The following PDIA6 variants were observed in gnomAD, a reference collection of about 807,000 sequenced individuals.
PDIA6 encodes protein disulfide isomerase family A member 6.
Under a neutral mutation model 58.4 loss-of-function variants are expected in PDIA6, and 29 were observed. The observed-to-expected ratio is 0.50, with a 90% confidence interval of 0.37 to 0.68. The LOEUF is 0.68. Ranked by LOEUF, PDIA6 falls within the 30% of genes least tolerant of loss-of-function variation. PDIA6 has a pLI of 0.00. For synonymous variants in PDIA6, 192 were observed against 202.6 expected (o/e 0.95, Z 0.44); for missense variants, 480 against 551.0 (o/e 0.87, Z 1.29).
intron 4 of PDIA6, 100 bp from the exon 5 acceptor site, chr2:10,793,302 C>T: frequency 1.4e-6 from 1 of 727,834 alleles, no homozygotes; most frequent in South Asian, 1.5e-5. Flanking sequence ...GTCGGCTTCA[C>T]CAGGTGTGAC....
chr2:10,788,678 A>G lies in PDIA6; in HGVS notation c.998+19T>C, dbSNP rs1281894439. ...TCAGCTGTTCAGATGACACTCAGAC[A>G]GTAAGCTCAGTAACTTACCCCCACA... On this transcript the variant is annotated intron_variant, in intron 10 of 12. Transcript: ENST00000272227. 2 of 1,540,370 alleles carry G rather than the reference A, an allele frequency of 1.3e-6. No individual in the cohort carries two copies. Among genetic ancestry groups the G allele is most frequent in the African/African-American group, 1.4e-5 (1 of 73,532 alleles).
upstream of PDIA6, among the ~76,000 whole-genome samples, chr2:10,813,442 G>A (rs1667095173): frequency 6.6e-6 from 1 of 152,184 alleles, no homozygotes; most frequent in South Asian, 2.1e-4. Flanking sequence ...GGCTGGCAAT[G>A]CGCTCACGTG....
chr2:10,785,435 C>G (rs6756672), intron 11 of PDIA6, among the ~76,000 whole-genome samples: 26,130 of 152,124 alleles, frequency 0.17, 2,873 homozygotes, highest in African/African-American at 0.3. Context: ...GGTTCCAGTG[C>G]GCTGGCAGAG....
Position 10,821,078 on chromosome 2 carries a change from C to T in PDIA6, c.-47-1724G>A, listed in dbSNP as rs1667375349. On this transcript the variant is annotated intron_variant, in intron 1 of 13. Transcript: ENST00000381611. The stretch of plus-strand genomic sequence containing the variant: ...TTTTCAGGTCGTGTTTTAAAACAGC[C>T]TTCGGAGATTTGGAATGCCCTCTTC... The T allele has an allele frequency of 2.6e-5, 13 of 507,908 alleles. No individual in the cohort carries two copies. In the South Asian group the frequency reaches 3.0e-4, roughly 12 times the overall value. The allele number at this position is 507,908 out of a possible 1,614,324, so 31.5% of individuals were successfully genotyped here.
chr2:10,826,354 C>A (rs1449195329), intron 1 of PDIA6, among the ~76,000 whole-genome samples: 1 of 136,768 alleles, frequency 7.3e-6, no homozygotes, highest in Non-Finnish European at 1.6e-5. Flanking sequence ...TTACTAAAAA[C>A]CATTGAATAA....
intron 1 of PDIA6, among the ~76,000 whole-genome samples, chr2:10,830,336 G>A (rs1667675184): frequency 6.6e-6 from 1 of 152,256 alleles, no homozygotes; most frequent in Non-Finnish European, 1.5e-5. Flanking sequence ...TTCTCCATTT[G>A]TTTTGGCTGA....
upstream of PDIA6, among the ~76,000 whole-genome samples, chr2:10,832,786 G>C (rs1247692027): frequency 6.6e-6 from 1 of 152,218 alleles, no homozygotes; most frequent in Non-Finnish European, 1.5e-5. Flanking sequence ...CCTGAGGGGA[G>C]GGGCAGCTGG....
chr2:10,787,563 A>G, intron 10 of PDIA6, 124 bp from the exon 11 acceptor site: 1 of 919,238 alleles, frequency 1.1e-6, no homozygotes, highest in South Asian at 1.8e-5. Flanking sequence ...ATAAAAACAA[A>G]AGATGAGTTT....
intron 2 of PDIA6, among the ~76,000 whole-genome samples, chr2:10,818,252 T>C (rs1317930246): frequency 1.3e-5 from 2 of 151,266 alleles, no homozygotes; most frequent in Non-Finnish European, 2.9e-5. Flanking sequence ...AGCCTCAACC[T>C]CCTAGTGTCA....
intron 11 of PDIA6, among the ~76,000 whole-genome samples, chr2:10,787,023 T>C (rs1273045875): frequency 6.6e-6 from 1 of 152,130 alleles, no homozygotes; most frequent in African/African-American, 2.4e-5. Context: ...CAGGGCCAGA[T>C]GCACAGAATG....
At chr2:10,793,354 C>T in intron 4 of PDIA6, 152 bp from the exon 5 acceptor site, 1 of 596,540 alleles carries the variant, frequency 1.7e-6, no homozygotes, top group Non-Finnish European at 3.1e-6. Context: ...ACACTTTCTC[C>T]CCACAATGCA....
chr2:10,819,184 T>A, intron 2 of PDIA6: 1 of 723,286 alleles, frequency 1.4e-6, no homozygotes, highest in South Asian at 1.7e-5. Flanking sequence ...TGTTTATCCA[T>A]CCGTCTGTTA....
At chr2:10,801,976 T>C (rs1476796677) in intron 2 of PDIA6, among the ~76,000 whole-genome samples, 1 of 152,230 alleles carries the variant, frequency 6.6e-6, no homozygotes, top group African/African-American at 2.4e-5. Flanking sequence ...GACAGCCTCA[T>C]ATACATCTTG....
chr2:10,789,579 A>G (rs977890626), intron 8 of PDIA6, among the ~76,000 whole-genome samples, 170 bp downstream of exon 8: 9 of 152,230 alleles, frequency 5.9e-5, no homozygotes, highest in Admixed American at 3.3e-4. Context: ...TCTAATGCTA[A>G]AAGTTATGAA....
intron 1 of PDIA6, among the ~76,000 whole-genome samples, chr2:10,820,613 G>C (rs1667355352): frequency 6.6e-6 from 1 of 152,050 alleles, no homozygotes; most frequent in Non-Finnish European, 1.5e-5. Context: ...TCTTCGTTAG[G>C]AAAAAAATAA....
At chr2:10,810,453 C>T (rs1413861260) in intron 1 of PDIA6, 2 of 1,350,090 alleles carry the variant, frequency 1.5e-6, no homozygotes, top group South Asian at 2.1e-5. Context: ...GGGTTTTTCA[C>T]CTTAGGAATG....
chr2:10,836,217 T>C (rs1376902431), upstream of PDIA6, among the ~76,000 whole-genome samples: 1 of 152,090 alleles, frequency 6.6e-6, no homozygotes, highest in Admixed American at 6.5e-5. Context: ...ACAAGCTGAA[T>C]CTTCCTGAAA....
At chr2:10,823,352 G>A (rs1308234848) in intron 1 of PDIA6, 1 of 152,220 alleles carries the variant, frequency 6.6e-6, no homozygotes, top group Non-Finnish European at 1.5e-5. Flanking sequence ...CTCCCAGGAG[G>A]TTACTTCTAA....
intron 11 of PDIA6, among the ~76,000 whole-genome samples, chr2:10,785,313 A>C (rs1015927592): frequency 3.3e-5 from 5 of 152,150 alleles, no homozygotes; most frequent in African/African-American, 7.2e-5. Context: ...GCTGAAATAC[A>C]AATTAAATAC....
Sources: gnomAD v4.1 joint callset for allele counts (sites outside exome capture counted in the v4.1 genomes callset) on GRCh38, gnomAD v4.1.1 for gene constraint, MANE v1.5 for transcripts, NCBI Gene and HGNC (gene_info 2026-07-23, HGNC 2026-07-21) for gene names.